Variants in FAAP100 observed in about 807,000 individuals in gnomAD.
FAAP100 encodes FA core complex associated protein 100.
FAAP100 carries 46 observed loss-of-function variants against 65.8 expected under a neutral mutation model. That is an observed-to-expected ratio of 0.70 (90% CI 0.55 to 0.89). The LOEUF is 0.89. FAAP100 is among the 40% of genes least tolerant of loss of function. The pLI is 0.00. For missense variants in FAAP100, 1,165 were observed against 1,196.7 expected (o/e 0.97, Z 0.39); for synonymous variants, 663 against 555.1 (o/e 1.19, Z -2.73).
chr17:81,540,909 G>C lies in FAAP100; in HGVS notation c.2556C>G (p.Cys852Trp). The change falls in exon 9 of 9, where the codon TGC (cysteine) becomes TGG (tryptophan). Residue 852 changes from cysteine (C) to tryptophan (W), a missense_variant. Physicochemically the swap from Cys to Trp is radical, Grantham distance 215 (BLOSUM62 -2). Coordinates refer to ENST00000327787, the MANE Select transcript of FAAP100 (RefSeq NM_025161.6). ...CACAGGAGCTGGCCTCATCCTCCGT[G>C]CAGAGCCGGTCGCGCAGGGTCTGCA... ...REVQTLRDRL[C>W]TEDEASSCAT... 7.5e-6 allele frequency: 12 copies of C among 1,591,468 alleles called. No individual in the cohort carries two copies. Among genetic ancestry groups the C allele is most frequent in the Non-Finnish European group, 1.0e-5 (12 of 1,173,302 alleles).
intron 4 of FAAP100, chr17:81,548,100 C>T (rs2033375357): frequency 1.6e-6 from 1 of 621,158 alleles, no homozygotes; most frequent in African/African-American, 1.8e-5. Flanking sequence ...ACAGTGAAAA[C>T]CAGGGGGGTC....
At chr17:81,546,207 G>A (rs1318477565) in intron 5 of FAAP100, among the ~76,000 whole-genome samples, 1 of 152,226 alleles carries the variant, frequency 6.6e-6, no homozygotes, top group African/African-American at 2.4e-5. Context: ...CCCGGCACTG[G>A]GCAGAAACAC....
At chr17:81,543,900 G>T in intron 7 of FAAP100, 104 bp downstream of exon 7, 3 of 1,043,488 alleles carry the variant, frequency 2.9e-6, no homozygotes, top group Non-Finnish European at 1.4e-6. Context: ...CAACTCCCTT[G>T]CAGGGAGCCG....
intron 3 of FAAP100, 120 bp from the exon 4 acceptor site, chr17:81,549,482 G>T: frequency 2.3e-6 from 3 of 1,280,866 alleles, no homozygotes; most frequent in African/African-American, 1.5e-5. Context: ...CCAGTGTCCA[G>T]TGAGGAAGAG....
chr17:81,549,445 A>G (rs1444926199), intron 3 of FAAP100, 83 bp from the exon 4 acceptor site: 4 of 1,500,516 alleles, frequency 2.7e-6, no homozygotes, highest in Non-Finnish European at 3.6e-6. Context: ...CCTGGACTCC[A>G]GGAAAGAAGT....
Position 81,541,358 on chromosome 17 carries a change from G to T in FAAP100, c.2465C>A (p.Ala822Asp). ...GAGGTACTGCACACGGAGATCAGGA[G>T]CGCTGGAGCCCTGGGTGGCCTGCTC... is the stretch of plus-strand genomic sequence containing the variant. ...VTEQATQGSS[A>D]PDLRVQYLRQ... The change falls in exon 8 of 9, where the codon GCT (alanine) becomes GAT (aspartate). Residue 822 changes from alanine to aspartate, a missense_variant. Transcript: ENST00000327787. 6.2e-7 allele frequency: 1 copy of T among 1,611,808 alleles called. No individual in the cohort carries two copies. Among genetic ancestry groups the T allele is most frequent in the South Asian group, 1.1e-5 (1 of 90,868 alleles).
At chr17:81,552,929 GC>G (rs2033553924), upstream of FAAP100, 1 of 152,952 alleles carries the variant, frequency 6.5e-6, no homozygotes, top group Admixed American at 6.6e-5. Context: ...TCCCTCCGTG[GC>G]TGAACACGTG....
chr17:81,542,530 G>C (rs2033153639), intron 7 of FAAP100, among the ~76,000 whole-genome samples: 1 of 152,224 alleles, frequency 6.6e-6, no homozygotes, highest in Non-Finnish European at 1.5e-5. Context: ...TGGCTGCACT[G>C]TGTGCTGGGC....
At position 81,541,343 on chromosome 17, in the gene FAAP100, A is replaced by G. The variant is rs2033086824; in HGVS notation, c.2480T>C (p.Val827Ala). 6.2e-7 allele frequency: 1 copy of G among 1,611,824 alleles called. No homozygotes were observed. Among genetic ancestry groups the G allele is most frequent in the Admixed American group, 1.7e-5 (1 of 59,992 alleles). ...GGCGTGGATCTGGCGGAGGTACTGC[A>G]CACGGAGATCAGGAGCGCTGGAGCC... The part of the protein sequence containing the change: ...TQGSSAPDLR[V>A]QYLRQIHANH... The change falls in exon 8 of 9, where the codon GTG becomes GCG. Residue 827 changes from valine (V) to alanine (A), a missense_variant. Coordinates refer to ENST00000327787, the MANE Select transcript of FAAP100 (RefSeq NM_025161.6).
chr17:81,540,766 G>T lies in FAAP100; in HGVS notation c.*53C>A, dbSNP rs548083461. The T allele has an allele frequency of 2.4e-4, 357 of 1,459,132 alleles. 2 individuals carry two copies. In the African/African-American group the frequency reaches 2.5e-3, roughly 10 times the overall value. 90.4% of individuals were successfully genotyped at this position (1,459,132 alleles called of 1,614,324 possible). On this transcript the variant is annotated 3_prime_UTR_variant, in exon 9 of 9. Transcript: ENST00000327787. ...CCCTCTAACCCATGAGGCCTGGGGG[G>T]GCTGTGACAGAGGCTGGAAGCGTGG...
At chr17:81,541,272 C>CAGGGGA in intron 8 of FAAP100, 37 bp downstream of exon 8, 1 of 1,576,684 alleles carries the variant, frequency 6.3e-7, no homozygotes, top group South Asian at 1.1e-5. Context: ...CCTGGCTACC[C>CAGGGGA]AGGGGAAGGG....
rs2033060159 is a variant in FAAP100 at position 81,540,753 on chromosome 17, T to C, written c.*66A>G. 5 of 1,437,558 alleles carry C rather than the reference T, an allele frequency of 3.5e-6. No homozygotes were observed. In the African/African-American group the frequency reaches 7.1e-5, roughly 20 times the overall value. 89.1% of individuals were successfully genotyped at this position (1,437,558 alleles called of 1,614,324 possible). Reference sequence around the variant, plus strand: ...GCCAGCTCGGTTTCCCTCTAACCCATGAGGCCTGGGGGGGCTGTGACAGAG... The same window carrying C: ...GCCAGCTCGGTTTCCCTCTAACCCACGAGGCCTGGGGGGGCTGTGACAGAG... On this transcript the variant is annotated 3_prime_UTR_variant, in exon 9 of 9. Transcript: ENST00000327787.
intron 1 of FAAP100, 23 bp downstream of exon 1, chr17:81,552,143 C>T (rs1012693707): frequency 1.3e-6 from 2 of 1,487,626 alleles, no homozygotes; most frequent in African/African-American, 1.5e-5. Context: ...CGGTCCCTCC[C>T]GCCCCCGCGG....
chr17:81,539,985 C>T lies in FAAP100; in HGVS notation c.*834G>A, dbSNP rs931939695. 8 of 398,786 alleles carry T rather than the reference C, an allele frequency of 2.0e-5. No homozygotes were observed. The highest frequency in any genetic ancestry group is 1.3e-4 in the South Asian group (1 of 7,870). The allele number at this position is 398,786 out of a possible 1,614,324, so 24.7% of individuals were successfully genotyped here. A position where few individuals can be genotyped will look rare whatever the true frequency, so the allele number is the denominator to read the frequency against. On this transcript the variant is annotated 3_prime_UTR_variant, in exon 9 of 9. Transcript: ENST00000327787. ...GACAGTGCCTGCAGCGGGAGCGGCGCGAGCACCCTCCCCAGATGAAAACAC... is the reference window on the plus strand; with the variant it reads ...GACAGTGCCTGCAGCGGGAGCGGCGTGAGCACCCTCCCCAGATGAAAACAC...
At chr17:81,546,224 G>A (rs74002415) in intron 5 of FAAP100, among the ~76,000 whole-genome samples, 13,476 of 152,320 alleles carry the variant, frequency 0.088, 718 homozygotes, top group Middle Eastern at 0.18. Flanking sequence ...ACACCCCAGG[G>A]GATGGCTGCG....
Position 81,550,669 on chromosome 17 carries a change from G to A in FAAP100, c.825C>T (p.Leu275=). ...PGDPNALVKI[L]HHLEEPVIFI... ...AGATGACGGGCTCCTCCAGGTGATG[G>A]AGGATCTTGACAAGGGCATTTGGGT... Residue 275 remains leucine (L), a synonymous_variant, in exon 3 of 9, where the codon CTC becomes CTT. Coordinates refer to ENST00000327787, the MANE Select transcript of FAAP100 (RefSeq NM_025161.6). The A allele has an allele frequency of 2.5e-6, 4 of 1,613,074 alleles. No individual in the cohort carries two copies. The highest frequency in any genetic ancestry group is 2.2e-5 in the South Asian group (2 of 91,088).
chr17:81,550,399 G>T lies in FAAP100; in HGVS notation c.1095C>A (p.Asp365Glu), dbSNP rs779758461. ...GGRVYHSTPSDLCVVDLSRGS... is the reference protein window; with the variant it reads ...GGRVYHSTPSELCVVDLSRGS... ...CCCGAGACAGATCCACCACACAGAG[G>T]TCAGAAGGGGTGCTGTGGTACACGC... is the stretch of plus-strand genomic sequence containing the variant. Residue 365 changes from aspartate to glutamate, a missense_variant, in exon 3 of 9, where the codon GAC becomes GAA. By Grantham distance (45) the Asp-to-Glu change is conservative. Coordinates refer to ENST00000327787, the MANE Select transcript of FAAP100 (RefSeq NM_025161.6). The T allele has an allele frequency of 1.9e-6, 3 of 1,612,598 alleles. No individual in the cohort carries two copies. The Admixed American group carries it at 5.0e-5, about 27-fold the overall frequency.
At position 81,551,046 on chromosome 17, in the gene FAAP100, A is replaced by C; in HGVS notation, c.448T>G (p.Trp150Gly). 3.7e-6 allele frequency: 6 copies of C among 1,605,732 alleles called. No individual in the cohort carries two copies. Among genetic ancestry groups the C allele is most frequent in the Non-Finnish European group, 5.1e-6 (6 of 1,176,694 alleles). The change falls in exon 3 of 9, where the codon TGG becomes GGG. Residue 150 changes from tryptophan (W) to glycine (G), a missense_variant. Coordinates refer to ENST00000327787, the MANE Select transcript of FAAP100 (RefSeq NM_025161.6). ...GGCTGCTCAAACAGCTGCATCTTCC[A>C]TCGGGCAGGGCCCTGCACCAGGGTG... ...LVTLVQGPAR[W>G]KMQLFEQPCP... is the part of the protein sequence containing the mutation.
At chr17:81,551,907 A>G in intron 2 of FAAP100, 21 bp downstream of exon 2, 1 of 1,533,674 alleles carries the variant, frequency 6.5e-7, no homozygotes, top group African/African-American at 1.4e-5. Flanking sequence ...TGCGGGAGGG[A>G]GGCCGCGGGC....
Sources: allele counts gnomAD v4.1 joint callset (sites outside exome capture counted in the v4.1 genomes callset), GRCh38; gene constraint gnomAD v4.1.1; transcripts MANE v1.5; gene names NCBI Gene and HGNC (gene_info 2026-07-23, HGNC 2026-07-21).